The following FLRT2 variants were observed in gnomAD, a reference collection of about 807,000 sequenced individuals.
FLRT2 encodes the protein leucine-rich repeat transmembrane protein FLRT2.
In FLRT2, 15 loss-of-function variants were observed where a neutral mutation model predicts 40.0. The ratio of observed to expected loss-of-function variants is 0.38; its 90% confidence interval spans 0.25 to 0.58. The LOEUF is 0.58. Ranked by LOEUF, FLRT2 falls within the 20% of genes least tolerant of loss-of-function variation. The pLI, the probability that FLRT2 is intolerant of heterozygous loss-of-function variation, is 0.71. For synonymous variants in FLRT2, 380 were observed against 336.8 expected (o/e 1.13, Z -1.41); for missense variants, 726 against 840.0 (o/e 0.86, Z 1.68).
At chr14:85,559,006 A>C (rs1346740246) in intron 1 of FLRT2, among the ~76,000 whole-genome samples, 1 of 152,258 alleles carries the variant, frequency 6.6e-6, no homozygotes, top group Non-Finnish European at 1.5e-5. Flanking sequence ...ATTTAAATAC[A>C]TTAACACAGA....
chr14:85,638,638 A>G lies in FLRT2; in HGVS notation c.*15141A>G, dbSNP rs762934976. ...CTCAAGGCTGTCTTGAATTCCTCCA[A>G]CAATAGACCCGTTATTATGTGAAAG... On this transcript the variant is annotated 3_prime_UTR_variant, in exon 2 of 2. Coordinates refer to ENST00000330753, the MANE Select transcript of FLRT2 (RefSeq NM_013231.6). 6.6e-6 allele frequency: 1 copy of G among 152,132 alleles called. No homozygotes were observed. Among genetic ancestry groups the G allele is most frequent in the Middle Eastern group, 3.2e-3 (1 of 316 alleles). The allele number at this position is 152,132 out of a possible 1,614,324, so 9.4% of individuals were successfully genotyped here. A position where few individuals can be genotyped will look rare whatever the true frequency, so the allele number is the denominator to read the frequency against.
intron 1 of FLRT2, among the ~76,000 whole-genome samples, chr14:85,532,542 A>G (rs1888350596): frequency 6.6e-6 from 1 of 152,176 alleles, no homozygotes; most frequent in African/African-American, 2.4e-5. Flanking sequence ...AGCTGTCAAG[A>G]CTGTTTCCTA....
rs1950962 is a variant in FLRT2, at chr14:85,646,435, A to G, written c.*22938A>G. On this transcript the variant is annotated 3_prime_UTR_variant, in exon 2 of 2. Transcript: ENST00000330753. Reference sequence around the variant, plus strand: ...CAAATTAAGATGCTGAAGTCAGATGACTTATGAATCAATTTAAAACAAATC... The same window carrying G: ...CAAATTAAGATGCTGAAGTCAGATGGCTTATGAATCAATTTAAAACAAATC... The G allele has an allele frequency of 0.97, 148,011 of 152,250 alleles. 71,951 individuals carry two copies. The highest frequency in any genetic ancestry group is 0.98 in the Admixed American group (15,026 of 15,284). The allele number at this position is 152,250 out of a possible 1,614,324, so 9.4% of individuals were successfully genotyped here. A position where few individuals can be genotyped will look rare whatever the true frequency, so the allele number is the denominator to read the frequency against.
At chr14:85,535,383 T>C (rs1198508325) in intron 1 of FLRT2, among the ~76,000 whole-genome samples, 1 of 143,226 alleles carries the variant, frequency 7.0e-6, no homozygotes, top group Non-Finnish European at 1.5e-5. Context: ...CATTTTGAGG[T>C]AAATAGAATG....
Position 85,630,795 on chromosome 14 carries a change from GC to G in FLRT2, c.*7300del, listed in dbSNP as rs1180457135. Reference sequence around the variant, plus strand: ...TTCTGCTAGTTCCAGCACCAGAGTGGCCTCTCAAATGTGTTTTCTCCTCTTG... The same window carrying G: ...TTCTGCTAGTTCCAGCACCAGAGTGGCTCTCAAATGTGTTTTCTCCTCTTG... On this transcript the variant is annotated 3_prime_UTR_variant, in exon 2 of 2. Transcript: ENST00000330753. 6.6e-6 allele frequency: 1 copy of G among 152,004 alleles called. No homozygotes were observed. Among genetic ancestry groups the G allele is most frequent in the Non-Finnish European group, 1.5e-5 (1 of 68,068 alleles). 9.4% of individuals were successfully genotyped at this position (152,004 alleles called of 1,614,324 possible). A position where few individuals can be genotyped will look rare whatever the true frequency, so the allele number is the denominator to read the frequency against.
intron 1 of FLRT2, among the ~76,000 whole-genome samples, chr14:85,600,736 T>C (rs1357809980): frequency 1.3e-5 from 2 of 152,114 alleles, no homozygotes; most frequent in Non-Finnish European, 2.9e-5. Flanking sequence ...AGAGACAATA[T>C]AATTTACATG....
rs547605443 is a variant in FLRT2 at position 85,605,462 on chromosome 14, T to C, written c.-376-15677T>C. 4.3e-4 allele frequency among the ~76,000 whole-genome samples: 66 copies of C among 152,242 alleles called. 1 individual carries two copies. The highest frequency in any genetic ancestry group is 3.9e-3 in the Admixed American group (60 of 15,284). ...CAGTTACTTCAGTTAAATTAAGAAATCATAAAGATATTTAATAATAACTTG... is the reference window on the plus strand; with the variant it reads ...CAGTTACTTCAGTTAAATTAAGAAACCATAAAGATATTTAATAATAACTTG... On this transcript the variant is annotated intron_variant, in intron 1 of 1. Coordinates refer to ENST00000330753, the MANE Select transcript of FLRT2 (RefSeq NM_013231.6).
chr14:85,586,649 G>A (rs919343029), intron 1 of FLRT2, among the ~76,000 whole-genome samples: 7 of 151,684 alleles, frequency 4.6e-5, no homozygotes, highest in Non-Finnish European at 1.5e-5. Flanking sequence ...TGAAAATACG[G>A]TATTTTGATA....
intron 1 of FLRT2, among the ~76,000 whole-genome samples, chr14:85,580,860 C>T (rs190091724): frequency 1.3e-5 from 2 of 152,182 alleles, no homozygotes; most frequent in Non-Finnish European, 2.9e-5. Flanking sequence ...CCTCATTTAT[C>T]TAGGTGCTTT....
rs1453371594 is a variant in FLRT2 at position 85,585,668 on chromosome 14, A to G, written c.-376-35471A>G. On this transcript the variant is annotated intron_variant, in intron 1 of 1. Transcript: ENST00000330753. ...TTCTTTATTATTTAGGGTTGTTGAT[A>G]CTGTAAAATAAATGATTTTTTTTGA... is the stretch of plus-strand genomic sequence containing the variant. Among the ~76,000 whole-genome samples, 4 of 152,254 alleles carry G rather than the reference A, an allele frequency of 2.6e-5. No individual in the cohort carries two copies. In the East Asian group the frequency reaches 7.7e-4, roughly 29 times the overall value.
chr14:85,596,199 T>C (rs938654504), intron 1 of FLRT2, among the ~76,000 whole-genome samples: 4 of 152,308 alleles, frequency 2.6e-5, no homozygotes, highest in African/African-American at 9.6e-5. Context: ...CCCCTGAACC[T>C]TTGCCGTTGT....
Position 85,651,789 on chromosome 14 carries a change from T to A in FLRT2, c.*28292T>A, listed in dbSNP as rs1894439227. The A allele has an allele frequency of 6.6e-6, 1 of 152,126 alleles. No individual in the cohort carries two copies. The highest frequency in any genetic ancestry group is 2.1e-4 in the South Asian group (1 of 4,834). The allele number at this position is 152,126 out of a possible 1,614,324, so 9.4% of individuals were successfully genotyped here. A position where few individuals can be genotyped will look rare whatever the true frequency, so the allele number is the denominator to read the frequency against. On this transcript the variant is annotated 3_prime_UTR_variant, in exon 2 of 2. Coordinates refer to ENST00000330753, the MANE Select transcript of FLRT2 (RefSeq NM_013231.6). ...TTTCCCTCAATGGATTTGGAAGATA[T>A]ATGTTCTATTTTTATTTCTGTTGTT...
intron 1 of FLRT2, among the ~76,000 whole-genome samples, chr14:85,582,626 A>C (rs999894866): frequency 5.9e-5 from 9 of 152,208 alleles, no homozygotes; most frequent in African/African-American, 2.2e-4. Context: ...AAGACATCTC[A>C]AATAAGGTGC....
chr14:85,540,217 C>A (rs1474395091), intron 1 of FLRT2, among the ~76,000 whole-genome samples: 1 of 152,134 alleles, frequency 6.6e-6, no homozygotes, highest in Non-Finnish European at 1.5e-5. Flanking sequence ...CAAAATAAGG[C>A]AGGCTAGTGC....
chr14:85,533,002 C>T (rs1314383564), intron 1 of FLRT2, among the ~76,000 whole-genome samples: 1 of 152,156 alleles, frequency 6.6e-6, no homozygotes, highest in Non-Finnish European at 1.5e-5. Context: ...GTGGCATCTG[C>T]CGGGTTAGCC....
chr14:85,577,895 T>A (rs1022238222), intron 1 of FLRT2, among the ~76,000 whole-genome samples: 1 of 151,914 alleles, frequency 6.6e-6, no homozygotes, highest in African/African-American at 2.4e-5. Flanking sequence ...TTTACTTTTT[T>A]ATTTTTTTTC....
chr14:85,613,474 C>T (rs1278258794), intron 1 of FLRT2, among the ~76,000 whole-genome samples: 2 of 152,162 alleles, frequency 1.3e-5, no homozygotes, highest in Non-Finnish European at 2.9e-5. Flanking sequence ...CTCTATCTAT[C>T]CCTCAATCTT....
rs576327049 is a variant in FLRT2 at position 85,606,580 on chromosome 14, G to A, written c.-376-14559G>A. On this transcript the variant is annotated intron_variant, in intron 1 of 1. Coordinates refer to ENST00000330753, the MANE Select transcript of FLRT2 (RefSeq NM_013231.6). ...CTGCTCTGTTGCCAGACTGGAGTGC[G>A]GTGGTGCGATCTCAGCTCACAGCAG... 2.0e-3 allele frequency among the ~76,000 whole-genome samples: 283 copies of A among 144,722 alleles called. 1 individual carries two copies. Among genetic ancestry groups the A allele is most frequent in the African/African-American group, 6.9e-3 (265 of 38,592 alleles). 94.9% of individuals were successfully genotyped at this position (144,722 alleles called of 152,430 possible).
At chr14:85,608,451 C>G (rs560214189) in intron 1 of FLRT2, among the ~76,000 whole-genome samples, 10 of 152,200 alleles carry the variant, frequency 6.6e-5, no homozygotes, top group African/African-American at 2.4e-4. Context: ...CCAGGCTGGT[C>G]TTGAACTCCT....
Sources: gnomAD v4.1 joint callset for allele counts (sites outside exome capture counted in the v4.1 genomes callset) on GRCh38, gnomAD v4.1.1 for gene constraint, MANE v1.5 for transcripts, NCBI Gene and HGNC (gene_info 2026-07-23, HGNC 2026-07-21) for gene names.